Variants in PM20D1 observed in about 807,000 individuals in gnomAD.
PM20D1 encodes the protein peptidase M20 domain containing 1.
PM20D1 carries 53 observed loss-of-function variants against 53.8 expected under a neutral mutation model. That is an observed-to-expected ratio of 0.98 (90% confidence interval 0.79 to 1.24). PM20D1 has a LOEUF of 1.24. Ranked by LOEUF, PM20D1 falls within the 50% of genes most tolerant of loss-of-function variation. The pLI, the probability that PM20D1 is intolerant of heterozygous loss-of-function variation, is 0.00. For missense variants in PM20D1, 564 were observed against 616.8 expected (o/e 0.91, Z 0.91); for synonymous variants, 239 against 241.3 (o/e 0.99, Z 0.09).
intron 11 of PM20D1, among the ~76,000 whole-genome samples, chr1:205,831,851 C>T (rs1350302091): frequency 1.3e-5 from 2 of 152,094 alleles, no homozygotes; most frequent in African/African-American, 2.4e-5. Flanking sequence ...TGTGAGCCAC[C>T]GTGCCCGGCT....
intron 10 of PM20D1, among the ~76,000 whole-genome samples, chr1:205,838,146 A>G (rs570223294): frequency 3.8e-4 from 58 of 152,312 alleles, no homozygotes; most frequent in African/African-American, 1.3e-3. Context: ...ATAGAAGTCC[A>G]AGTGCCACTG....
intron 3 of PM20D1, among the ~76,000 whole-genome samples, chr1:205,845,117 G>A: frequency 6.6e-6 from 1 of 152,170 alleles, no homozygotes; most frequent in East Asian, 1.9e-4. Context: ...TGTCAGGACT[G>A]AAAGGGTCCC....
intron 3 of PM20D1, 33 bp from the exon 4 acceptor site, chr1:205,844,930 A>G: frequency 1.9e-6 from 3 of 1,587,046 alleles, no homozygotes; most frequent in Non-Finnish European, 2.6e-6. Context: ...AAGAGGAAAA[A>G]GACGTTATTT....
chr1:205,835,929 G>A (rs1005759463), intron 10 of PM20D1, among the ~76,000 whole-genome samples: 1 of 151,978 alleles, frequency 6.6e-6, no homozygotes, highest in African/African-American at 2.4e-5. Context: ...AGACTGGAGT[G>A]CAATGGTGTG....
chr1:205,849,952 A>C lies in PM20D1; in HGVS notation c.121T>G (p.Ser41Ala), dbSNP rs750578529. 6 of 1,613,914 alleles carry C rather than the reference A, an allele frequency of 3.7e-6. No individual in the cohort carries two copies. The highest frequency in any genetic ancestry group is 3.4e-6 in the Non-Finnish European group (4 of 1,179,950). The change falls in exon 1 of 13, where the codon TCT becomes GCT. Residue 41 changes from serine (S) to alanine (A), a missense_variant. By Grantham distance (99) the Ser-to-Ala change is moderately conservative. Coordinates refer to ENST00000367136, the MANE Select transcript of PM20D1 (RefSeq NM_152491.5). ...GEHQRASRIP[S>A]QFSKEERVAM... ...ACGCGTTCCTCTTTGCTGAACTGAG[A>C]AGGGATTCGCGACGCCCTTTGATGC... is the stretch of plus-strand genomic sequence containing the variant.
In PM20D1 at chr1:205,846,055, C is replaced by A. The variant is rs137951108; in HGVS notation, c.257-498G>T. Among the ~76,000 whole-genome samples, 944 of 137,932 alleles carry A rather than the reference C, an allele frequency of 6.8e-3. 10 individuals carry two copies. The highest frequency in any genetic ancestry group is 0.024 in the African/African-American group (886 of 36,344). 90.5% of individuals were successfully genotyped at this position (137,932 alleles called of 152,430 possible). A position where few individuals can be genotyped will look rare whatever the true frequency, so the allele number is the denominator to read the frequency against. ...CTGAGGTTCCGCCATTGCACTCCAG[C>A]GTGGGTGACAAGAGCAAAACTCCAT... On this transcript the variant is annotated intron_variant, in intron 2 of 12. Coordinates refer to ENST00000367136, the MANE Select transcript of PM20D1 (RefSeq NM_152491.5).
chr1:205,840,875 A>G (rs188694224), intron 9 of PM20D1, among the ~76,000 whole-genome samples: 1 of 152,330 alleles, frequency 6.6e-6, no homozygotes, highest in East Asian at 1.9e-4. Flanking sequence ...TCAGAGTAAG[A>G]AAAGGACCCT....
intron 10 of PM20D1, among the ~76,000 whole-genome samples, chr1:205,835,387 CTCATAAGTGGTGGTGACCATTACT>C (rs1287215950): frequency 3.9e-5 from 6 of 152,124 alleles, no homozygotes; most frequent in Non-Finnish European, 7.3e-5. Flanking sequence ...TAGCACCTAC[CTCATAAGTGGTGGTGACCATTACT>C]GGAGTTAATA....
At chr1:205,846,549 TATTAA>T (rs1296385067) in intron 2 of PM20D1, among the ~76,000 whole-genome samples, 6 of 152,230 alleles carry the variant, frequency 3.9e-5, no homozygotes, top group Non-Finnish European at 8.8e-5. Flanking sequence ...TAAATTATTA[TATTAA>T]ATTAGTAGGC....
intron 8 of PM20D1, 85 bp from the exon 9 acceptor site, chr1:205,841,974 C>G (rs1176190912): frequency 7.5e-7 from 1 of 1,333,592 alleles, no homozygotes; most frequent in Non-Finnish European, 1.1e-6. Context: ...TTTCCTGAAC[C>G]TTGGGGATCT....
intron 10 of PM20D1, 116 bp from the exon 11 acceptor site, chr1:205,832,882 G>A: frequency 3.3e-6 from 4 of 1,222,300 alleles, no homozygotes; most frequent in Non-Finnish European, 4.4e-6. Context: ...TTTACAGACA[G>A]GACTTATTTT....
chr1:205,833,742 C>T (rs1413576392), intron 10 of PM20D1, among the ~76,000 whole-genome samples: 1 of 152,150 alleles, frequency 6.6e-6, no homozygotes, highest in African/African-American at 2.4e-5. Flanking sequence ...CAGCACTAGT[C>T]CCAACCCATT....
At chr1:205,843,530 C>T (rs1404897168) in intron 6 of PM20D1, 137 bp downstream of exon 6, 1 of 1,261,090 alleles carries the variant, frequency 7.9e-7, no homozygotes. Flanking sequence ...TGTTCTTCCT[C>T]TAGTGTCAAT....
intron 6 of PM20D1, among the ~76,000 whole-genome samples, chr1:205,843,393 G>C (rs1656861430): frequency 6.6e-6 from 1 of 152,058 alleles, no homozygotes; most frequent in Non-Finnish European, 1.5e-5. Flanking sequence ...CCCCCACCTT[G>C]GAAGGAATTC....
Position 205,850,011 on chromosome 1 carries a change from G to C in PM20D1, c.62C>G (p.Thr21Ser), listed in dbSNP as rs1277135536. Residue 21 changes from threonine (T) to serine (S), a missense_variant, in exon 1 of 13, where the codon ACC becomes AGC. Thr to Ser is a moderately conservative substitution (Grantham distance 58). Transcript: ENST00000367136. ...LVAMLLLVFP[T>S]VSRSMGPRSG... Reference sequence around the variant, plus strand: ...CCTCGGGCCCATCGATCTGGAGACGGTAGGGAAAACTAGGAGCAGCATAGC... The same window carrying C: ...CCTCGGGCCCATCGATCTGGAGACGCTAGGGAAAACTAGGAGCAGCATAGC... The C allele has an allele frequency of 1.2e-6, 2 of 1,614,164 alleles. No individual in the cohort carries two copies. Among genetic ancestry groups the C allele is most frequent in the East Asian group, 4.5e-5 (2 of 44,866 alleles).
chr1:205,830,307 A>T lies in PM20D1; in HGVS notation c.1358T>A (p.Ile453Asn). Reference sequence around the variant, plus strand: ...TTTGAAGTCTTCAGGCTGTATGTAGATGGGGTAGAACCTGTAGATGCCAGT... The same window carrying T: ...TTTGAAGTCTTCAGGCTGTATGTAGTTGGGGTAGAACCTGTAGATGCCAGT... ...LTTGIYRFYP[I>N]YIQPEDFKRI... Residue 453 changes from isoleucine to asparagine, a missense_variant, in exon 12 of 13, where the codon ATC (isoleucine) becomes AAC (asparagine). Transcript: ENST00000367136. The T allele has an allele frequency of 6.2e-7, 1 of 1,611,320 alleles. No individual in the cohort carries two copies. The highest frequency in any genetic ancestry group is 8.5e-7 in the Non-Finnish European group (1 of 1,177,488).
At position 205,844,230 on chromosome 1, in the gene PM20D1, A is replaced by G. The variant is rs1187180267; in HGVS notation, c.577-13T>C. ...CTGTCCCTGATGACTGCAGACATGG[A>G]ACATAGAGCTATAGTCCTTCTCAGC... On this transcript the variant is annotated splice_polypyrimidine_tract_variant and intron_variant, in intron 4 of 12. Coordinates refer to ENST00000367136, the MANE Select transcript of PM20D1 (RefSeq NM_152491.5). 1.3e-6 allele frequency: 2 copies of G among 1,599,792 alleles called. No homozygotes were observed. The highest frequency in any genetic ancestry group is 1.1e-5 in the South Asian group (1 of 89,776).
At chr1:205,844,309 G>T in intron 4 of PM20D1, 92 bp from the exon 5 acceptor site, 2 of 1,385,526 alleles carry the variant, frequency 1.4e-6, no homozygotes, top group Non-Finnish European at 1.9e-6. Context: ...CTAGCTAGGG[G>T]CTCCAGAACC....
chr1:205,849,641 G>A lies in PM20D1; in HGVS notation c.169+263C>T, dbSNP rs1191688745. ...GCAAGCAGGGGAAAGAATGGACGGT[G>A]GTCACGCCAAGAGGGGTGAAGTTGG... On this transcript the variant is annotated intron_variant, in intron 1 of 12. Coordinates refer to ENST00000367136, the MANE Select transcript of PM20D1 (RefSeq NM_152491.5). Among the ~76,000 whole-genome samples, 5 of 152,166 alleles carry A rather than the reference G, an allele frequency of 3.3e-5. No homozygotes were observed. In the South Asian group the frequency reaches 1.0e-3, roughly 32 times the overall value.
Sources: allele counts gnomAD v4.1 joint callset (sites outside exome capture counted in the v4.1 genomes callset), GRCh38; gene constraint gnomAD v4.1.1; transcripts MANE v1.5; gene names NCBI Gene and HGNC (gene_info 2026-07-23, HGNC 2026-07-21).